STAB1: variants seen among roughly 807,000 people sequenced by gnomAD.
STAB1 encodes stabilin 1.
Under a neutral mutation model 332.4 loss-of-function variants are expected in STAB1, and 250 were observed. The ratio of observed to expected loss-of-function variants is 0.75; its 90% CI spans 0.68 to 0.84. The LOEUF is 0.84. STAB1 is among the 40% of genes least tolerant of loss of function. STAB1 has a pLI of 0.00. For synonymous variants in STAB1, 1,475 were observed against 1,390.4 expected (o/e 1.06, Z -1.35); for missense variants, 3,249 against 3,489.7 (o/e 0.93, Z 1.74).
Position 52,523,923 on chromosome 3 carries a change from T to C in STAB1, c.7448T>C (p.Val2483Ala), listed in dbSNP as rs764197295. ...CCTGTGGCGGCAGGCGTGGGGGCTG[T>C]GCTTGCCGCTGGAGCACTGCTTGGC... ...APPVAAGVGAVLAAGALLGLV... is the reference protein window; with the variant it reads ...APPVAAGVGAALAAGALLGLV... Residue 2483 changes from valine to alanine, a missense_variant, in exon 67 of 69, where the codon GTG becomes GCG. Val to Ala is a moderately conservative substitution (Grantham distance 64). Transcript: ENST00000321725. The C allele has an allele frequency of 6.2e-7, 1 of 1,609,702 alleles. No homozygotes were observed. The highest frequency in any genetic ancestry group is 8.5e-7 in the Non-Finnish European group (1 of 1,179,854).
intron 37 of STAB1, 79 bp from the exon 38 acceptor site, chr3:52,515,964 C>T (rs1575345502): frequency 3.4e-6 from 5 of 1,449,814 alleles, no homozygotes; most frequent in East Asian, 2.5e-5. Flanking sequence ...GCTCTGTGGC[C>T]CCGAGATGCC....
At position 52,520,058 on chromosome 3, in the gene STAB1, C is replaced by G; in HGVS notation, c.5350C>G (p.His1784Asp). 6.2e-7 allele frequency: 1 copy of G among 1,612,672 alleles called. No individual in the cohort carries two copies. Among genetic ancestry groups the G allele is most frequent in the Non-Finnish European group, 8.5e-7 (1 of 1,179,876 alleles). The change falls in exon 51 of 69, where the codon CAT (histidine) becomes GAT (aspartate). Residue 1784 changes from histidine to aspartate, a missense_variant. Coordinates refer to ENST00000321725, the MANE Select transcript of STAB1 (RefSeq NM_015136.3). ...LPPDRQAWLY[H>D]EDHRDKLAAI... ...TCCGGATCGCCAGGCCTGGCTGTAC[C>G]ATGAGGACCACCGTGACAAGCTAGC... is the stretch of plus-strand genomic sequence containing the variant.
rs1283294671 is a variant in STAB1, at chr3:52,516,339, C to G, written c.4145-17C>G. On this transcript the variant is annotated splice_polypyrimidine_tract_variant and intron_variant, in intron 38 of 68. Transcript: ENST00000321725. ...GGAGGCACTGGGCAACTCCTATCCTCCTTTATACCACTGCAGTGTGTGACT... is the reference window on the plus strand; with the variant it reads ...GGAGGCACTGGGCAACTCCTATCCTGCTTTATACCACTGCAGTGTGTGACT... 1 of 1,605,860 alleles carries G rather than the reference C, an allele frequency of 6.2e-7. No homozygotes were observed. Among genetic ancestry groups the G allele is most frequent in the Non-Finnish European group, 8.5e-7 (1 of 1,174,700 alleles).
intron 1 of STAB1, among the ~76,000 whole-genome samples, chr3:52,497,140 A>G (rs1708089793): frequency 1.3e-5 from 2 of 151,744 alleles, no homozygotes; most frequent in Non-Finnish European, 2.9e-5. Context: ...AACTGGGATT[A>G]CAGGCGCCCG....
intron 48 of STAB1, 37 bp downstream of exon 48, chr3:52,518,906 C>CCCCACCCCGCCCCGT (rs2078971732): frequency 1.4e-6 from 2 of 1,438,326 alleles, no homozygotes; most frequent in South Asian, 1.3e-5. Context: ...CTCCATCCCG[C>CCCCACCCCGCCCCGT]CCCGCCCCGC....
At position 52,520,804 on chromosome 3, in the gene STAB1, G is replaced by C. The variant is rs1386495512; in HGVS notation, c.5707G>C (p.Gly1903Arg). Reference protein sequence around the residue: ...PPCPEGSQEQGSPEACWRFYP... With the variant: ...PPCPEGSQEQRSPEACWRFYP... ...CTGCGGCCTGACTCCTTTGGCCCAG[G>C]GCAGCCCTGAGGCCTGCTGGCGCTT... The change falls in exon 55 of 69, where the codon GGC becomes CGC. Residue 1903 changes from glycine (G) to arginine (R), a missense_variant and splice_region_variant. Physicochemically the swap from Gly to Arg is moderately radical, Grantham distance 125 (BLOSUM62 -2). Transcript: ENST00000321725. The C allele has an allele frequency of 6.2e-7, 1 of 1,612,636 alleles. No homozygotes were observed. Among genetic ancestry groups the C allele is most frequent in the African/African-American group, 1.3e-5 (1 of 74,952 alleles).
chr3:52,518,451 C>T (rs2078950742), intron 46 of STAB1, 85 bp from the exon 47 acceptor site: 3 of 1,566,812 alleles, frequency 1.9e-6, no homozygotes, highest in South Asian at 2.3e-5. Context: ...CTGGTTTGTT[C>T]TCTCTGAGTC....
rs1377160906 is a variant in STAB1, at chr3:52,519,294, G to T, written c.5065G>T (p.Val1689Leu). The T allele has an allele frequency of 6.2e-7, 1 of 1,613,014 alleles. No individual in the cohort carries two copies. The highest frequency in any genetic ancestry group is 8.5e-7 in the Non-Finnish European group (1 of 1,179,986). Residue 1689 changes from valine to leucine, a missense_variant, in exon 49 of 69, where the codon GTG (valine) becomes TTG (leucine). Coordinates refer to ENST00000321725, the MANE Select transcript of STAB1 (RefSeq NM_015136.3). ...CATATACCTCAATGACTTCGCGCGC[G>T]TGGTGAGCAGCGACCATGAGGCCGT... is the stretch of plus-strand genomic sequence containing the variant. Reference protein sequence around the residue: ...GSIYLNDFARVVSSDHEAVNG... With the variant: ...GSIYLNDFARLVSSDHEAVNG...
chr3:52,511,768 G>A (rs1422502303), intron 26 of STAB1, 23 bp downstream of exon 26: 4 of 1,545,820 alleles, frequency 2.6e-6, no homozygotes, highest in African/African-American at 1.4e-5. Flanking sequence ...AAGGCTCAGA[G>A]CCCTGGGGAA....
chr3:52,514,910 G>A, intron 35 of STAB1, 79 bp from the exon 36 acceptor site: 3 of 1,612,414 alleles, frequency 1.9e-6, no homozygotes, highest in South Asian at 2.2e-5. Context: ...GTGGGGAGGG[G>A]CGCATGGTCA....
chr3:52,509,527 T>C, intron 22 of STAB1: 1 of 587,216 alleles, frequency 1.7e-6, no homozygotes, highest in Non-Finnish European at 3.0e-6. Flanking sequence ...CCAAGGGGAG[T>C]GGAGGAAGAT....
Position 52,523,204 on chromosome 3 carries a change from G to C in STAB1, c.7021-18G>C. On this transcript the variant is annotated intron_variant, in intron 63 of 68. Coordinates refer to ENST00000321725, the MANE Select transcript of STAB1 (RefSeq NM_015136.3). Reference sequence around the variant, plus strand: ...GAGGAGGGAGCCTGCTCATAGTTCTGTCTTTCCACCGTGCCAGATGCTATT... The same window carrying C: ...GAGGAGGGAGCCTGCTCATAGTTCTCTCTTTCCACCGTGCCAGATGCTATT... 3 of 1,612,920 alleles carry C rather than the reference G, an allele frequency of 1.9e-6. No homozygotes were observed. The highest frequency in any genetic ancestry group is 1.7e-6 in the Non-Finnish European group (2 of 1,179,964).
chr3:52,511,612 C>T, intron 25 of STAB1, 38 bp from the exon 26 acceptor site: 2 of 1,565,962 alleles, frequency 1.3e-6, no homozygotes, highest in South Asian at 1.2e-5. Context: ...GTTGGATGCT[C>T]ATCATGAGAC....
At position 52,511,902 on chromosome 3, in the gene STAB1, C is replaced by G. The variant is rs1457455661; in HGVS notation, c.2883+157C>G. On this transcript the variant is annotated intron_variant, in intron 26 of 68. Coordinates refer to ENST00000321725, the MANE Select transcript of STAB1 (RefSeq NM_015136.3). ...AATCCAACCATGTCACTCCTCTCCCCCTTCACCCGCCCCTGCCCAGCCTCG... is the reference window on the plus strand; with the variant it reads ...AATCCAACCATGTCACTCCTCTCCCGCTTCACCCGCCCCTGCCCAGCCTCG... Among the ~76,000 whole-genome samples the G allele has an allele frequency of 5.9e-5, 9 of 152,190 alleles. No individual in the cohort carries two copies. The East Asian group carries it at 1.3e-3, about 23-fold the overall frequency.
intron 26 of STAB1, 53 bp from the exon 27 acceptor site, chr3:52,512,288 G>T: frequency 6.4e-7 from 1 of 1,550,958 alleles, no homozygotes. Context: ...GGGAGGGAGG[G>T]GCCCAGCTGC....
At position 52,514,797 on chromosome 3, in the gene STAB1, C is replaced by T. The variant is rs142311027; in HGVS notation, c.3775C>T (p.Arg1259Cys). 8.7e-6 allele frequency: 14 copies of T among 1,612,748 alleles called. No homozygotes were observed. Among genetic ancestry groups the T allele is most frequent in the African/African-American group, 4.0e-5 (3 of 74,928 alleles). ...LSGVLTVGSS[R>C]CLHSHAEALR... is the part of the protein sequence containing the mutation. ...GGGGGTCCTGACGGTGGGCTCAAGTCGCTGCCTGCATAGCCACGCTGAGGC... is the reference window on the plus strand; with the variant it reads ...GGGGGTCCTGACGGTGGGCTCAAGTTGCTGCCTGCATAGCCACGCTGAGGC... Residue 1259 changes from arginine (R) to cysteine (C), a missense_variant, in exon 35 of 69, where the codon CGC becomes TGC. Coordinates refer to ENST00000321725, the MANE Select transcript of STAB1 (RefSeq NM_015136.3).
intron 2 of STAB1, 110 bp from the exon 3 acceptor site, chr3:52,501,527 GC>G: frequency 8.5e-7 from 1 of 1,176,918 alleles, no homozygotes. Flanking sequence ...TCAGCTCTGG[GC>G]CAGGCAGAGC....
Position 52,522,718 on chromosome 3 carries a change from T to C in STAB1, c.6744+30T>C, listed in dbSNP as rs1021533754. 3 of 1,612,512 alleles carry C rather than the reference T, an allele frequency of 1.9e-6. No individual in the cohort carries two copies. In the African/African-American group the frequency reaches 4.0e-5, roughly 22 times the overall value. The stretch of plus-strand genomic sequence containing the variant: ...GTGGGGCCCAGAAGTTGGGGCCAAG[T>C]GTTGGGGGAGGCCTTGACTGGGTCT... On this transcript the variant is annotated intron_variant, in intron 61 of 68. Coordinates refer to ENST00000321725, the MANE Select transcript of STAB1 (RefSeq NM_015136.3).
rs762496483 is a variant in STAB1, at chr3:52,514,426, G to A, written c.3608G>A (p.Arg1203Gln). ...LGEALSMETLRKGGHRNSLLG... is the reference protein window; with the variant it reads ...LGEALSMETLQKGGHRNSLLG... The stretch of plus-strand genomic sequence containing the variant: ...GAGGCCCTCTCCATGGAAACCCTGC[G>A]GAAGGGTGGACACCGCAACTCCCTC... The change falls in exon 34 of 69, where the codon CGG (arginine) becomes CAG (glutamine). Residue 1203 changes from arginine (R) to glutamine (Q), a missense_variant. Arg to Gln is a conservative substitution (Grantham distance 43). Coordinates refer to ENST00000321725, the MANE Select transcript of STAB1 (RefSeq NM_015136.3). 13 of 1,555,960 alleles carry A rather than the reference G, an allele frequency of 8.4e-6. No individual in the cohort carries two copies. Among genetic ancestry groups the A allele is most frequent in the East Asian group, 2.3e-5 (1 of 44,334 alleles).
Sources: allele counts gnomAD v4.1 joint callset (sites outside exome capture counted in the v4.1 genomes callset), GRCh38; gene constraint gnomAD v4.1.1; transcripts MANE v1.5; gene names NCBI Gene and HGNC (gene_info 2026-07-23, HGNC 2026-07-21).